Variants in SSX2IP observed in about 807,000 individuals in gnomAD.
The protein encoded by SSX2IP is SSX family member 2 interacting protein.
Under a neutral mutation model 84.9 loss-of-function variants are expected in SSX2IP, and 55 were observed. That is an observed-to-expected ratio of 0.65 (90% CI 0.52 to 0.81). The LOEUF (loss-of-function observed/expected upper bound fraction) is 0.81. Among genes scored for constraint, SSX2IP ranks in the 30% least tolerant of loss-of-function variants. The pLI, the probability that SSX2IP is intolerant of heterozygous loss-of-function variation, is 0.00. For missense variants in SSX2IP, 664 were observed against 705.2 expected (o/e 0.94, Z 0.66); for synonymous variants, 239 against 234.7 (o/e 1.02, Z -0.17).
intron 3 of SSX2IP, chr1:84,670,363 C>G (rs964625762): frequency 4.7e-6 from 1 of 212,256 alleles, no homozygotes; most frequent in African/African-American, 2.3e-5. Flanking sequence ...TGCTATAAAT[C>G]TGTGACATGG....
At chr1:84,656,077 G>A in intron 10 of SSX2IP, 72 bp from the exon 11 acceptor site, 1 of 1,347,338 alleles carries the variant, frequency 7.4e-7, no homozygotes, top group Non-Finnish European at 1.0e-6. Flanking sequence ...ATGAAAGCAA[G>A]GGAAGGCCAG....
intron 9 of SSX2IP, among the ~76,000 whole-genome samples, chr1:84,657,037 GTAA>G (rs1651216404): frequency 6.6e-6 from 1 of 152,134 alleles, no homozygotes; most frequent in Admixed American, 6.5e-5. Context: ...TTTTGGTGCT[GTAA>G]TAATAATTTT....
At chr1:84,667,941 T>G (rs982658739) in intron 4 of SSX2IP, among the ~76,000 whole-genome samples, 22 of 152,178 alleles carry the variant, frequency 1.4e-4, no homozygotes, top group Non-Finnish European at 1.9e-4. Flanking sequence ...GACCTAGGAC[T>G]GGGGTTTCAC....
At chr1:84,687,666 T>C (rs1271280916) in intron 1 of SSX2IP, among the ~76,000 whole-genome samples, 2 of 152,242 alleles carry the variant, frequency 1.3e-5, no homozygotes, top group Admixed American at 6.5e-5. Flanking sequence ...ATTTGCACTA[T>C]ACTCAATACA....
At chr1:84,653,031 C>CA (rs566451561) in intron 11 of SSX2IP, among the ~76,000 whole-genome samples, 283 of 146,444 alleles carry the variant, frequency 1.9e-3, no homozygotes, top group African/African-American at 2.5e-3. Flanking sequence ...GACTCCATCT[C>CA]AAAAAAAAAC....
chr1:84,650,324 T>A, intron 13 of SSX2IP, 38 bp downstream of exon 13: 1 of 1,612,576 alleles, frequency 6.2e-7, no homozygotes, highest in Non-Finnish European at 8.5e-7. Context: ...TTTAGCAATT[T>A]TTAGAAACAC....
At chr1:84,679,933 A>G (rs1052126315) in intron 1 of SSX2IP, among the ~76,000 whole-genome samples, 9 of 152,176 alleles carry the variant, frequency 5.9e-5, no homozygotes, top group Admixed American at 1.3e-4. Context: ...CCCACATTGG[A>G]CTGCAGAGCC....
intron 4 of SSX2IP, among the ~76,000 whole-genome samples, chr1:84,668,854 A>G (rs1048576782): frequency 3.9e-5 from 6 of 152,266 alleles, no homozygotes; most frequent in Non-Finnish European, 7.4e-5. Flanking sequence ...TGAAAAACTA[A>G]AAGAAAGCTG....
intron 1 of SSX2IP, among the ~76,000 whole-genome samples, chr1:84,673,243 G>A (rs2102463616): frequency 6.6e-6 from 1 of 152,240 alleles, no homozygotes; most frequent in African/African-American, 2.4e-5. Flanking sequence ...AAGGTAGGGA[G>A]CATCTAGATC....
chr1:84,686,878 C>T (rs1341111846), intron 1 of SSX2IP, among the ~76,000 whole-genome samples: 1 of 151,900 alleles, frequency 6.6e-6, no homozygotes, highest in Admixed American at 6.6e-5. Context: ...AAGATGATCA[C>T]CAAATAAGAA....
chr1:84,679,673 G>A (rs1654815264), intron 1 of SSX2IP, among the ~76,000 whole-genome samples: 1 of 152,142 alleles, frequency 6.6e-6, no homozygotes, highest in South Asian at 2.1e-4. Flanking sequence ...ACTTCTTAAG[G>A]TTGTGGATAT....
intron 1 of SSX2IP, among the ~76,000 whole-genome samples, chr1:84,679,740 G>A (rs1490907247): frequency 1.3e-5 from 2 of 152,186 alleles, no homozygotes; most frequent in African/African-American, 4.8e-5. Context: ...TAGGGTACTG[G>A]TTTAATAACA....
At chr1:84,674,186 G>A (rs899504098) in intron 1 of SSX2IP, among the ~76,000 whole-genome samples, 2 of 152,096 alleles carry the variant, frequency 1.3e-5, no homozygotes, top group Admixed American at 6.6e-5. Flanking sequence ...TACCTCCTAA[G>A]TTTCCCAAGA....
chr1:84,650,284 GAC>G, intron 13 of SSX2IP, 76 bp downstream of exon 13: 1 of 1,416,290 alleles, frequency 7.1e-7, no homozygotes, highest in Admixed American at 1.7e-5. Context: ...TAATACTACA[GAC>G]ATGCCACCTT....
In SSX2IP at chr1:84,690,455, A is replaced by C. The variant is rs1486012844; in HGVS notation, c.-174T>G. 1 of 150,724 alleles carries C rather than the reference A, an allele frequency of 6.6e-6. No individual in the cohort carries two copies. Among genetic ancestry groups the C allele is most frequent in the Non-Finnish European group, 1.5e-5 (1 of 67,770 alleles). 9.3% of individuals were successfully genotyped at this position (150,724 alleles called of 1,614,324 possible). ...AGCCCGAGGGCCAGCAGCGCCTCGCAGCGCCTCCCGCCCGCGGCCCCTCCT... is the reference window on the plus strand; with the variant it reads ...AGCCCGAGGGCCAGCAGCGCCTCGCCGCGCCTCCCGCCCGCGGCCCCTCCT... On this transcript the variant is annotated 5_prime_UTR_variant, in exon 1 of 14. Coordinates refer to ENST00000342203, the MANE Select transcript of SSX2IP (RefSeq NM_001166293.2).
intron 11 of SSX2IP, among the ~76,000 whole-genome samples, chr1:84,654,949 T>C (rs1444514815): frequency 6.6e-6 from 1 of 152,084 alleles, no homozygotes; most frequent in African/African-American, 2.4e-5. Flanking sequence ...ACTGCAGGGA[T>C]GAACTGATAC....
chr1:84,647,702 C>A, intron 13 of SSX2IP, 95 bp from the exon 14 acceptor site: 17 of 798,630 alleles, frequency 2.1e-5, no homozygotes, highest in African/African-American at 3.6e-5. Context: ...AAATAAGTTC[C>A]TTTTAATTCT....
intron 1 of SSX2IP, among the ~76,000 whole-genome samples, chr1:84,689,129 GC>G (rs1416912991): frequency 6.6e-6 from 1 of 152,200 alleles, no homozygotes; most frequent in Non-Finnish European, 1.5e-5. Flanking sequence ...ATCAAGTTTT[GC>G]CGACTGGATC....
At chr1:84,689,809 T>C (rs778019182) in intron 1 of SSX2IP, among the ~76,000 whole-genome samples, 50 of 152,222 alleles carry the variant, frequency 3.3e-4, no homozygotes, top group Non-Finnish European at 6.6e-4. Context: ...TTTTCACACA[T>C]GCCTGCCTCT....
Sources: allele counts gnomAD v4.1 joint callset (sites outside exome capture counted in the v4.1 genomes callset), GRCh38; gene constraint gnomAD v4.1.1; transcripts MANE v1.5; gene names NCBI Gene and HGNC (gene_info 2026-07-23, HGNC 2026-07-21).